SLC4A7: variants seen among roughly 807,000 people sequenced by gnomAD.
SLC4A7 encodes the protein sodium bicarbonate cotransporter 3.
SLC4A7 carries 51 observed loss-of-function variants against 137.6 expected under a neutral mutation model. The observed-to-expected ratio is 0.37, with a 90% confidence interval of 0.30 to 0.47. The LOEUF (loss-of-function observed/expected upper bound fraction) is 0.47. Among genes scored for constraint, SLC4A7 ranks in the 20% least tolerant of loss-of-function variants. The probability of loss-of-function intolerance (pLI) is 1.00; values close to 1 mark genes in which losing one functional copy is unlikely to be tolerated. For synonymous variants in SLC4A7, 542 were observed against 518.6 expected, an observed-to-expected ratio of 1.05 and a Z score of -0.61; for missense variants, 1,247 against 1,525.4, an observed-to-expected ratio of 0.82 and a Z score of 3.04.
At chr3:27,478,774 G>C (rs896767974) in intron 1 of SLC4A7, among the ~76,000 whole-genome samples, 11 of 150,936 alleles carry the variant, frequency 7.3e-5, no homozygotes, top group African/African-American at 2.4e-4. Flanking sequence ...GATCATTTGA[G>C]GTCAGGAGTT....
chr3:27,378,999 T>A (rs2050161827), intron 25 of SLC4A7, among the ~76,000 whole-genome samples: 3 of 152,172 alleles, frequency 2.0e-5, no homozygotes, highest in Admixed American at 2.0e-4. Context: ...CCTCAGATGA[T>A]CCTGACCTCA....
rs145603286 is a variant in SLC4A7 at position 27,453,402 on chromosome 3, G to T, written c.61-904C>A. On this transcript the variant is annotated intron_variant, in intron 1 of 25. Transcript: ENST00000454389. ...GGCCAAGGTGGGCAGATCACCTGAG[G>T]TCGGAGTTCGAGACCAGCCTGACCA... Among the ~76,000 whole-genome samples the T allele has an allele frequency of 4.3e-3, 649 of 152,218 alleles. 2 individuals carry two copies. Among genetic ancestry groups the T allele is most frequent in the African/African-American group, 0.015 (608 of 41,524 alleles).
rs779324065 is a variant in SLC4A7, at chr3:27,387,764, TCAGTTACC to T, written c.3361-1749_3361-1742del. 9.2e-5 allele frequency among the ~76,000 whole-genome samples: 14 copies of T among 152,222 alleles called. 1 individual carries two copies. The South Asian group carries it at 2.9e-3, about 32-fold the overall frequency. On this transcript the variant is annotated intron_variant, in intron 22 of 25. Transcript: ENST00000454389. ...CCATGTGACAACAAAGGCTCCAACT[TCAGTTACC>T]CAGCTGCAAGCCAAAGGAATGCCAA...
chr3:27,423,742 G>A (rs1576366687), intron 8 of SLC4A7: 3 of 248,848 alleles, frequency 1.2e-5, no homozygotes, highest in South Asian at 1.4e-4. Flanking sequence ...AAGTACTGAC[G>A]TTTCACGATA....
chr3:27,433,870 T>C (rs1253679682), intron 6 of SLC4A7, 46 bp downstream of exon 6: 1 of 1,509,966 alleles, frequency 6.6e-7, no homozygotes, highest in East Asian at 2.3e-5. Context: ...GGAAAGCTGT[T>C]ACAGTAGAAG....
At chr3:27,444,270 C>T (rs1276706014) in intron 3 of SLC4A7, among the ~76,000 whole-genome samples, 1 of 152,132 alleles carries the variant, frequency 6.6e-6, no homozygotes, top group African/African-American at 2.4e-5. Flanking sequence ...CTGATTCTGG[C>T]AATCTGATTC....
intron 1 of SLC4A7, among the ~76,000 whole-genome samples, chr3:27,483,701 C>T (rs2059816155): frequency 6.6e-6 from 1 of 152,194 alleles, no homozygotes; most frequent in Non-Finnish European, 1.5e-5. Flanking sequence ...GGAACCGGGA[C>T]CCCGCCTGGG....
Position 27,394,789 on chromosome 3 carries a change from T to C in SLC4A7, c.2866-20A>G, listed in dbSNP as rs572757166. On this transcript the variant is annotated intron_variant, in intron 19 of 25. Transcript: ENST00000454389. ...TCCTTTCTGAAAAGTGAAATGAACA[T>C]AAATATCTGTAAGTCTAAATGGTTC... 4 of 1,610,066 alleles carry C rather than the reference T, an allele frequency of 2.5e-6. No homozygotes were observed. In the South Asian group the frequency reaches 4.4e-5, roughly 18 times the overall value.
At chr3:27,439,779 G>A (rs558582912) in intron 3 of SLC4A7, among the ~76,000 whole-genome samples, 1 of 152,238 alleles carries the variant, frequency 6.6e-6, no homozygotes, top group South Asian at 2.1e-4. Context: ...CATCAGAGAG[G>A]ACATCCTTTC....
chr3:27,478,859 G>A (rs1040624525), intron 1 of SLC4A7, among the ~76,000 whole-genome samples: 3 of 151,240 alleles, frequency 2.0e-5, no homozygotes, highest in Non-Finnish European at 4.4e-5. Context: ...AAGAGAGAGA[G>A]GGGGGCGTGG....
intron 1 of SLC4A7, among the ~76,000 whole-genome samples, chr3:27,469,610 G>A (rs1296242989): frequency 7.2e-5 from 11 of 152,022 alleles, no homozygotes; most frequent in Admixed American, 3.3e-4. Flanking sequence ...ACAATTAGCC[G>A]GGCGTGGTGG....
At chr3:27,395,552 C>T (rs761641772) in intron 18 of SLC4A7, among the ~76,000 whole-genome samples, 62 of 152,254 alleles carry the variant, frequency 4.1e-4, no homozygotes, top group Middle Eastern at 3.4e-3. Flanking sequence ...TCAATATAGT[C>T]TATATGGTAG....
At chr3:27,391,343 C>G (rs527670134) in intron 21 of SLC4A7, among the ~76,000 whole-genome samples, 7 of 152,252 alleles carry the variant, frequency 4.6e-5, no homozygotes, top group Non-Finnish European at 8.8e-5. Flanking sequence ...GATGTATATG[C>G]TAGGCTTCAT....
chr3:27,451,037 C>T (rs2058040870), intron 2 of SLC4A7, among the ~76,000 whole-genome samples: 1 of 151,944 alleles, frequency 6.6e-6, no homozygotes. Flanking sequence ...TTTAACCTCC[C>T]TAGCTCCTAT....
At chr3:27,429,222 C>T (rs1490893882) in intron 7 of SLC4A7, among the ~76,000 whole-genome samples, 1 of 151,882 alleles carries the variant, frequency 6.6e-6, no homozygotes, top group Non-Finnish European at 1.5e-5. Flanking sequence ...GCCGAGATCA[C>T]ACCACTGCAC....
intron 3 of SLC4A7, among the ~76,000 whole-genome samples, chr3:27,447,921 G>GA (rs1469373710): frequency 6.6e-6 from 1 of 151,616 alleles, no homozygotes; most frequent in Admixed American, 6.6e-5. Context: ...GTGTAAGAAG[G>GA]AAAAAAACAG....
intron 22 of SLC4A7, among the ~76,000 whole-genome samples, chr3:27,386,771 T>G (rs540817705): frequency 6.6e-6 from 1 of 152,276 alleles, no homozygotes; most frequent in Admixed American, 6.5e-5. Flanking sequence ...TTTCCTATCT[T>G]CTTTGAAAAG....
At position 27,475,223 on chromosome 3, in the gene SLC4A7, T is replaced by C. The variant is rs139682582; in HGVS notation, c.60+8844A>G. On this transcript the variant is annotated intron_variant, in intron 1 of 25. Transcript: ENST00000454389. ...CTGTCCTCATTCTGTACACAAACTC[T>C]TCTACAATTTTATTATGTAGGATAC... 2.6e-4 allele frequency among the ~76,000 whole-genome samples: 40 copies of C among 151,984 alleles called. No homozygotes were observed. The East Asian group carries it at 7.5e-3, about 29-fold the overall frequency.
intron 24 of SLC4A7, among the ~76,000 whole-genome samples, chr3:27,382,103 C>T (rs1269776709): frequency 8.6e-5 from 13 of 152,016 alleles, no homozygotes; most frequent in African/African-American, 2.9e-4. Context: ...CAGGTGTGTA[C>T]ACAAATGTAA....
Sources: allele counts gnomAD v4.1 joint callset (sites outside exome capture counted in the v4.1 genomes callset), GRCh38; gene constraint gnomAD v4.1.1; transcripts MANE v1.5; gene names NCBI Gene and HGNC (gene_info 2026-07-23, HGNC 2026-07-21).